Variants in PGD observed in about 807,000 individuals in gnomAD.
The protein encoded by PGD is 6-phosphogluconate dehydrogenase, decarboxylating.
Under a neutral mutation model 60.4 loss-of-function variants are expected in PGD, and 21 were observed. The ratio of observed to expected loss-of-function variants is 0.35; its 90% CI spans 0.25 to 0.50. PGD has a LOEUF of 0.50. Ranked by LOEUF, PGD falls within the 20% of genes least tolerant of loss-of-function variation. The pLI is 0.98. For synonymous variants in PGD, 230 were observed against 235.9 expected (o/e 0.97, Z 0.23); for missense variants, 477 against 613.1 (o/e 0.78, Z 2.34).
At chr1:10,413,002 G>C in intron 7 of PGD, 60 bp from the exon 8 acceptor site, 1 of 1,447,622 alleles carries the variant, frequency 6.9e-7, no homozygotes, top group Admixed American at 1.7e-5. Flanking sequence ...ATTGGACAAG[G>C]GGCTTCCTTG....
At position 10,403,060 on chromosome 1, in the gene PGD, T is replaced by A; in HGVS notation, c.265-11T>A. 1.9e-6 allele frequency: 3 copies of A among 1,589,830 alleles called. No homozygotes were observed. The highest frequency in any genetic ancestry group is 2.6e-6 in the Non-Finnish European group (3 of 1,158,230). ...TTTTTGGTCCATCTTAATGCTGGTG[T>A]CTGGTTACAGGTACCATTGTTGGAT... On this transcript the variant is annotated splice_polypyrimidine_tract_variant and intron_variant, in intron 3 of 12. Transcript: ENST00000270776.
chr1:10,419,265 C>T lies in PGD; in HGVS notation c.1210-152C>T, dbSNP rs551449238. ...AACTCCTGACCTCGTGATCCGCCCACCTCAGCCTTCCAAAGTGCTGGGATG... is the reference window on the plus strand; with the variant it reads ...AACTCCTGACCTCGTGATCCGCCCATCTCAGCCTTCCAAAGTGCTGGGATG... On this transcript the variant is annotated intron_variant, in intron 11 of 12. Coordinates refer to ENST00000270776, the MANE Select transcript of PGD (RefSeq NM_002631.4). 11 of 1,004,574 alleles carry T rather than the reference C, an allele frequency of 1.1e-5. No homozygotes were observed. In the Admixed American group the frequency reaches 2.3e-4, roughly 21 times the overall value. The allele number at this position is 1,004,574 out of a possible 1,614,324, so 62.2% of individuals were successfully genotyped here.
At chr1:10,399,872 G>T in intron 2 of PGD, 168 bp downstream of exon 2, 1 of 637,778 alleles carries the variant, frequency 1.6e-6, no homozygotes, top group East Asian at 2.8e-5. Flanking sequence ...AGGCGTGGGC[G>T]GGCCGATCCC....
At chr1:10,399,253 G>A (rs1639267083) in intron 1 of PGD, 128 bp downstream of exon 1, 3 of 1,108,714 alleles carry the variant, frequency 2.7e-6, no homozygotes, top group Non-Finnish European at 3.9e-6. Flanking sequence ...TTGGGGCTCT[G>A]TGACCCTGGC....
chr1:10,410,023 C>T (rs1023496675), intron 6 of PGD, among the ~76,000 whole-genome samples: 3 of 152,146 alleles, frequency 2.0e-5, no homozygotes, highest in Admixed American at 6.5e-5. Flanking sequence ...CTTGCCCCTA[C>T]GTGTGTTGAT....
At position 10,405,425 on chromosome 1, in the gene PGD, C is replaced by CACACACACAT. The variant is rs548786254; in HGVS notation, c.449+1147_449+1148insCACACACATA. The stretch of plus-strand genomic sequence containing the variant: ...ATACACACACACACACACACACACA[C>CACACACACAT]ATATATATAAATAATTGTGGGCAAT... On this transcript the variant is annotated intron_variant, in intron 5 of 12. Coordinates refer to ENST00000270776, the MANE Select transcript of PGD (RefSeq NM_002631.4). 3.3e-3 allele frequency among the ~76,000 whole-genome samples: 500 copies of CACACACACAT among 149,564 alleles called. 3 individuals carry two copies. The highest frequency in any genetic ancestry group is 7.5e-3 in the African/African-American group (308 of 40,826).
intron 11 of PGD, 25 bp from the exon 12 acceptor site, chr1:10,419,392 C>T (rs751871321): frequency 1.2e-6 from 2 of 1,605,986 alleles, no homozygotes; most frequent in South Asian, 1.1e-5. Context: ...GATCACTAAT[C>T]TCTGGCCGTG....
intron 8 of PGD, among the ~76,000 whole-genome samples, chr1:10,414,027 G>A (rs143972735): frequency 6.6e-6 from 1 of 152,302 alleles, no homozygotes; most frequent in Non-Finnish European, 1.5e-5. Context: ...CTGCACTCCA[G>A]CCTGGGCAAC....
At chr1:10,407,393 G>T (rs1639426196) in intron 5 of PGD, among the ~76,000 whole-genome samples, 1 of 152,100 alleles carries the variant, frequency 6.6e-6, no homozygotes, top group Non-Finnish European at 1.5e-5. Flanking sequence ...GAGGCTGCAG[G>T]GAGCCGTGAT....
At chr1:10,409,359 AAG>A (rs1043649083) in intron 6 of PGD, among the ~76,000 whole-genome samples, 1 of 152,136 alleles carries the variant, frequency 6.6e-6, no homozygotes, top group African/African-American at 2.4e-5. Flanking sequence ...TTAGGGTAGA[AAG>A]AGGCTGGTGC....
At position 10,419,930 on chromosome 1, in the gene PGD, C is replaced by A; in HGVS notation, c.*181C>A. 1.5e-6 allele frequency: 1 copy of A among 671,284 alleles called. No individual in the cohort carries two copies. Among genetic ancestry groups the A allele is most frequent in the South Asian group, 1.8e-5 (1 of 54,522 alleles). 41.6% of individuals were successfully genotyped at this position (671,284 alleles called of 1,614,324 possible). A position where few individuals can be genotyped will look rare whatever the true frequency, so the allele number is the denominator to read the frequency against. On this transcript the variant is annotated 3_prime_UTR_variant, in exon 13 of 13. Transcript: ENST00000270776. ...AGCTCTGTGAGAGCCACCATGCCCT[C>A]TGCCCTTGCCTCTTGGGACTGACCA...
intron 10 of PGD, among the ~76,000 whole-genome samples, chr1:10,418,211 A>G (rs896128069): frequency 6.6e-6 from 1 of 152,238 alleles, no homozygotes; most frequent in African/African-American, 2.4e-5. Flanking sequence ...TTTCTGAAGT[A>G]GATGATTCTG....
In PGD at chr1:10,416,555, A is replaced by G. The variant is rs558247200; in HGVS notation, c.845-432A>G. ...CATCCGTGTGAAAAGACCACCAAACAGGCTTTGTGTGAGCAATAAAGCTTT... is the reference window on the plus strand; with the variant it reads ...CATCCGTGTGAAAAGACCACCAAACGGGCTTTGTGTGAGCAATAAAGCTTT... On this transcript the variant is annotated intron_variant, in intron 8 of 12. Coordinates refer to ENST00000270776, the MANE Select transcript of PGD (RefSeq NM_002631.4). 2.4e-4 allele frequency among the ~76,000 whole-genome samples: 36 copies of G among 152,356 alleles called. No individual in the cohort carries two copies. The South Asian group carries it at 7.5e-3, about 32-fold the overall frequency.
chr1:10,416,535 G>A (rs922863821), intron 8 of PGD, among the ~76,000 whole-genome samples: 1 of 152,272 alleles, frequency 6.6e-6, no homozygotes, highest in African/African-American at 2.4e-5. Flanking sequence ...ATGCGCATCC[G>A]TGTGAAAAGA....
At chr1:10,405,770 A>T (rs1639393021) in intron 5 of PGD, among the ~76,000 whole-genome samples, 1 of 151,264 alleles carries the variant, frequency 6.6e-6, no homozygotes, top group African/African-American at 2.4e-5. Context: ...TGGGAGGCAG[A>T]GGTTGCAATG....
At chr1:10,419,060 G>GT (rs1475252884) in intron 11 of PGD, 135 bp downstream of exon 11, 7 of 613,686 alleles carry the variant, frequency 1.1e-5, no homozygotes, top group Non-Finnish European at 2.0e-5. Context: ...CCAGGCTGGA[G>GT]TACAGTGGCA....
chr1:10,412,904 A>G (rs978153600), intron 7 of PGD, 158 bp from the exon 8 acceptor site: 1 of 603,808 alleles, frequency 1.7e-6, no homozygotes, highest in African/African-American at 1.8e-5. Flanking sequence ...ACTCTGGGTT[A>G]GCATAAAACT....
intron 7 of PGD, 134 bp downstream of exon 7, chr1:10,411,686 AACTGTTAG>A (rs2102394195): frequency 1.1e-6 from 1 of 909,434 alleles, no homozygotes; most frequent in South Asian, 1.6e-5. Context: ...ATTTGAGGGA[AACTGTTAG>A]TAATAGGCCT....
chr1:10,413,225 A>T lies in PGD; in HGVS notation c.818A>T (p.Glu273Val), dbSNP rs762455598. 6.2e-7 allele frequency: 1 copy of T among 1,614,052 alleles called. No homozygotes were observed. The highest frequency in any genetic ancestry group is 8.5e-7 in the Non-Finnish European group (1 of 1,180,020). Residue 273 changes from glutamate to valine, a missense_variant, in exon 8 of 13, where the codon GAA becomes GTA. By Grantham distance (121) the Glu-to-Val change is moderately radical. This residue lies in a region of PGD where 431 missense variants were observed against 556.6 expected (regional missense o/e 0.77). Transcript: ENST00000270776. ...AAGTGGACCGCCATCTCCGCCCTGG[A>T]ATACGGCGTACCCGTCACCCTCATT... ...TGKWTAISAL[E>V]YGVPVTLIGE...
Sources: gnomAD v4.1 joint callset for allele counts (sites outside exome capture counted in the v4.1 genomes callset) on GRCh38, gnomAD v4.1.1 for gene constraint, gnomAD v4.1.1 regional missense constraint, MANE v1.5 for transcripts, NCBI Gene and HGNC (gene_info 2026-07-23, HGNC 2026-07-21) for gene names.